TRPM3: variants seen among roughly 807,000 people sequenced by gnomAD.
The protein encoded by TRPM3 is long transient receptor potential channel 3.
A neutral mutation model predicts 181.2 loss-of-function variants in TRPM3; 77 were observed. The ratio of observed to expected loss-of-function variants is 0.42; its 90% CI spans 0.35 to 0.51. The LOEUF (loss-of-function observed/expected upper bound fraction) is 0.51, where lower values mean the gene tolerates loss of function less well. Among genes scored for constraint, TRPM3 ranks in the 20% least tolerant of loss-of-function variants. The pLI, the probability that TRPM3 is intolerant of heterozygous loss-of-function variation, is 0.01. For missense variants in TRPM3, 1,759 were observed against 2,196.7 expected (o/e 0.80, Z 3.98); for synonymous variants, 745 against 796.4 (o/e 0.94, Z 1.09).
intron 1 of TRPM3, among the ~76,000 whole-genome samples, chr9:71,247,985 A>G (rs2082132414): frequency 6.6e-6 from 1 of 152,224 alleles, no homozygotes; most frequent in South Asian, 2.1e-4. Context: ...CTGACAGCAC[A>G]ATGTCAAAAG....
intron 1 of TRPM3, among the ~76,000 whole-genome samples, chr9:71,145,780 C>CTTGTT (rs2075370957): frequency 6.6e-6 from 1 of 151,996 alleles, no homozygotes; most frequent in African/African-American, 2.4e-5. Flanking sequence ...CTAAAATTGT[C>CTTGTT]TTTTAACAAA....
intron 1 of TRPM3, among the ~76,000 whole-genome samples, chr9:70,966,607 T>C (rs1052026417): frequency 1.3e-5 from 2 of 152,148 alleles, no homozygotes; most frequent in Non-Finnish European, 2.9e-5. Context: ...TGGATGGAGC[T>C]GGAGGCCATT....
chr9:70,672,653 A>C (rs2063197661), intron 9 of TRPM3, among the ~76,000 whole-genome samples: 1 of 152,166 alleles, frequency 6.6e-6, no homozygotes, highest in African/African-American at 2.4e-5. Context: ...TCTTGCCATT[A>C]TATTAGATAA....
intron 1 of TRPM3, among the ~76,000 whole-genome samples, chr9:70,982,237 T>C (rs1209091552): frequency 6.6e-6 from 1 of 152,214 alleles, no homozygotes; most frequent in Non-Finnish European, 1.5e-5. Context: ...AAATTCACTA[T>C]GTAAATCTCA....
At chr9:70,807,207 G>A (rs1214904076) in intron 6 of TRPM3, among the ~76,000 whole-genome samples, 2 of 152,196 alleles carry the variant, frequency 1.3e-5, no homozygotes, top group Non-Finnish European at 2.9e-5. Flanking sequence ...ATAAATGGAG[G>A]AAAATCAATA....
At chr9:71,232,272 T>C (rs1214811359) in intron 1 of TRPM3, among the ~76,000 whole-genome samples, 1 of 152,126 alleles carries the variant, frequency 6.6e-6, no homozygotes, top group Non-Finnish European at 1.5e-5. Flanking sequence ...GCTAGGAACC[T>C]TATCACACCA....
chr9:70,933,843 A>G (rs991512613), intron 1 of TRPM3, among the ~76,000 whole-genome samples: 3 of 152,138 alleles, frequency 2.0e-5, no homozygotes, highest in Non-Finnish European at 4.4e-5. Flanking sequence ...GGTTCCTGAG[A>G]AGGGCAAAAG....
At chr9:71,314,370 C>T (rs963508858) in intron 1 of TRPM3, among the ~76,000 whole-genome samples, 3 of 152,094 alleles carry the variant, frequency 2.0e-5, no homozygotes, top group South Asian at 4.2e-4. Flanking sequence ...ATTTAAGTTT[C>T]TTTCTCTTTC....
chr9:70,642,131 T>A (rs1171641894), intron 9 of TRPM3, among the ~76,000 whole-genome samples: 2 of 151,712 alleles, frequency 1.3e-5, no homozygotes, highest in Non-Finnish European at 2.9e-5. Context: ...CAGCTCAGAG[T>A]TTTTAAACAT....
At chr9:70,685,085 G>C (rs993536986) in intron 8 of TRPM3, among the ~76,000 whole-genome samples, 2 of 152,078 alleles carry the variant, frequency 1.3e-5, no homozygotes, top group African/African-American at 4.8e-5. Flanking sequence ...ATTGACTCAA[G>C]TTCATGTTTT....
intron 1 of TRPM3, among the ~76,000 whole-genome samples, chr9:71,011,077 A>G (rs1343725167): frequency 6.6e-6 from 1 of 152,132 alleles, no homozygotes; most frequent in African/African-American, 2.4e-5. Flanking sequence ...CAAACACTAC[A>G]TGTTCTCACT....
chr9:71,020,882 T>C (rs979982954), intron 1 of TRPM3, among the ~76,000 whole-genome samples: 1 of 152,212 alleles, frequency 6.6e-6, no homozygotes, highest in Non-Finnish European at 1.5e-5. Context: ...TTCTAGCATA[T>C]GCCCAATGGG....
chr9:70,970,097 T>G (rs929588913), intron 1 of TRPM3, among the ~76,000 whole-genome samples: 6 of 152,118 alleles, frequency 3.9e-5, no homozygotes, highest in African/African-American at 1.4e-4. Flanking sequence ...AATTATTTAC[T>G]GTATAACTTG....
intron 1 of TRPM3, among the ~76,000 whole-genome samples, chr9:71,150,266 T>TA (rs2075660856): frequency 6.6e-6 from 1 of 151,650 alleles, no homozygotes; most frequent in Admixed American, 6.6e-5. Context: ...AAAATGAAAA[T>TA]ACATAAAAGA....
chr9:70,885,335 T>C (rs1017816439), intron 1 of TRPM3, among the ~76,000 whole-genome samples: 3 of 152,202 alleles, frequency 2.0e-5, no homozygotes, highest in Non-Finnish European at 4.4e-5. Context: ...CCACCTCCAG[T>C]TGTGACAACC....
chr9:70,806,684 C>T (rs1005263372), intron 6 of TRPM3, among the ~76,000 whole-genome samples: 7 of 131,492 alleles, frequency 5.3e-5, no homozygotes, highest in Admixed American at 1.5e-4. Flanking sequence ...AGCTAGACTC[C>T]GTCTCAAAAA....
chr9:71,294,281 A>G (rs1032259359), intron 1 of TRPM3, among the ~76,000 whole-genome samples: 19 of 152,078 alleles, frequency 1.2e-4, no homozygotes, highest in Non-Finnish European at 7.4e-5. Flanking sequence ...CTATAAATCC[A>G]TAAGACAAAA....
chr9:70,862,346 C>T (rs1477056260), intron 3 of TRPM3, among the ~76,000 whole-genome samples: 1 of 152,062 alleles, frequency 6.6e-6, no homozygotes, highest in African/African-American at 2.4e-5. Context: ...TCAAAAAATG[C>T]TTTTTATGTG....
chr9:71,412,441 G>T (rs2093569200), intron 1 of TRPM3, among the ~76,000 whole-genome samples: 1 of 152,124 alleles, frequency 6.6e-6, no homozygotes, highest in Non-Finnish European at 1.5e-5. Context: ...GTGGGCAAAG[G>T]ATATGAACAC....
Sources: allele counts gnomAD v4.1 joint callset (sites outside exome capture counted in the v4.1 genomes callset), GRCh38; gene constraint gnomAD v4.1.1; transcripts MANE v1.5; gene names NCBI Gene and HGNC (gene_info 2026-07-23, HGNC 2026-07-21).